Variants in CCDC112 observed in about 807,000 individuals in gnomAD.
CCDC112 encodes coiled-coil domain-containing protein 112.
CCDC112 carries 40 observed loss-of-function variants against 66.3 expected under a neutral mutation model. That is an observed-to-expected ratio of 0.60 (90% CI 0.47 to 0.79). The LOEUF (loss-of-function observed/expected upper bound fraction) is 0.79. Among genes scored for constraint, CCDC112 ranks in the 30% least tolerant of loss-of-function variants. The pLI is 0.00. For missense variants in CCDC112, 659 were observed against 603.8 expected (o/e 1.09, Z -0.96); for synonymous variants, 214 against 197.2 (o/e 1.09, Z -0.71).
At chr5:115,290,957 T>C (rs1280194741) in intron 1 of CCDC112, among the ~76,000 whole-genome samples, 1 of 152,158 alleles carries the variant, frequency 6.6e-6, no homozygotes, top group African/African-American at 2.4e-5. Context: ...TACATCTTCC[T>C]TTCCAATACG....
intron 6 of CCDC112, among the ~76,000 whole-genome samples, chr5:115,273,050 T>C (rs1384575602): frequency 6.6e-6 from 1 of 152,160 alleles, no homozygotes; most frequent in Non-Finnish European, 1.5e-5. Context: ...CCATATTTAG[T>C]CCATGGACCA....
At chr5:115,276,348 G>A (rs1749207750) in intron 4 of CCDC112, among the ~76,000 whole-genome samples, 1 of 152,110 alleles carries the variant, frequency 6.6e-6, no homozygotes, top group Admixed American at 6.5e-5. Flanking sequence ...TAGCCAACAA[G>A]TGAAAGATCA....
At chr5:115,273,523 C>T (rs193216083) in intron 6 of CCDC112, among the ~76,000 whole-genome samples, 1 of 152,300 alleles carries the variant, frequency 6.6e-6, no homozygotes, top group East Asian at 1.9e-4. Context: ...CTATCTCACC[C>T]CTATGTCCTG....
At chr5:115,277,804 A>G (rs1166935204) in intron 3 of CCDC112, among the ~76,000 whole-genome samples, 1 of 152,186 alleles carries the variant, frequency 6.6e-6, no homozygotes, top group Non-Finnish European at 1.5e-5. Context: ...TTAAATTACT[A>G]GGCTAATGTC....
At chr5:115,294,506 T>A (rs1750064985) in intron 1 of CCDC112, among the ~76,000 whole-genome samples, 1 of 152,214 alleles carries the variant, frequency 6.6e-6, no homozygotes. Flanking sequence ...ATCTTGAACT[T>A]CTAGCTTCTA....
At chr5:115,278,453 A>C (rs995582727) in intron 3 of CCDC112, among the ~76,000 whole-genome samples, 5 of 152,122 alleles carry the variant, frequency 3.3e-5, no homozygotes, top group African/African-American at 1.2e-4. Flanking sequence ...TAGTAACACT[A>C]CACTTTATAA....
chr5:115,283,478 C>T (rs917616617), intron 2 of CCDC112, among the ~76,000 whole-genome samples: 2 of 152,102 alleles, frequency 1.3e-5, no homozygotes, highest in Non-Finnish European at 2.9e-5. Context: ...CAACCCTTCA[C>T]GCACACACAA....
chr5:115,296,281 A>G, intron 1 of CCDC112, 146 bp downstream of exon 1: 3 of 1,321,904 alleles, frequency 2.3e-6, no homozygotes, highest in Non-Finnish European at 2.9e-6. Context: ...ACAAGCCAAC[A>G]AAGAGCAACG....
chr5:115,282,122 G>A (rs187876854), intron 2 of CCDC112, among the ~76,000 whole-genome samples: 17 of 152,276 alleles, frequency 1.1e-4, no homozygotes, highest in Non-Finnish European at 2.1e-4. Flanking sequence ...ATATGGGCAG[G>A]TTAAATAAAT....
chr5:115,269,061 A>G, intron 8 of CCDC112, 61 bp from the exon 9 acceptor site: 1 of 934,132 alleles, frequency 1.1e-6, no homozygotes, highest in Non-Finnish European at 1.6e-6. Flanking sequence ...ACTAGTAAAT[A>G]AGTAAAAGCC....
At chr5:115,269,920 T>C in intron 7 of CCDC112, 122 bp from the exon 8 acceptor site, 1 of 595,558 alleles carries the variant, frequency 1.7e-6, no homozygotes, top group Non-Finnish European at 2.9e-6. Context: ...ATTAATTCTT[T>C]CCAACAAAGC....
intron 2 of CCDC112, among the ~76,000 whole-genome samples, chr5:115,281,148 C>T (rs912109167): frequency 1.3e-5 from 2 of 152,042 alleles, no homozygotes; most frequent in Admixed American, 6.6e-5. Flanking sequence ...CTCAGCCTCC[C>T]GAGTAACTGG....
At chr5:115,280,391 T>A in intron 2 of CCDC112, 1 of 152,222 alleles carries the variant, frequency 6.6e-6, no homozygotes, top group Non-Finnish European at 1.5e-5. Flanking sequence ...TTAATGACTA[T>A]TGTCTACATT....
At chr5:115,281,097 C>G (rs987682416) in intron 2 of CCDC112, among the ~76,000 whole-genome samples, 8 of 151,374 alleles carry the variant, frequency 5.3e-5, no homozygotes, top group African/African-American at 1.9e-4. Context: ...GATTTCAGCT[C>G]ACTGTAACCT....
intron 7 of CCDC112, among the ~76,000 whole-genome samples, chr5:115,270,415 T>C (rs950691496): frequency 1.3e-5 from 2 of 152,176 alleles, no homozygotes; most frequent in Non-Finnish European, 2.9e-5. Flanking sequence ...CCCTTCCTTG[T>C]CTTAATACTT....
At chr5:115,295,420 A>G (rs1378055580) in intron 1 of CCDC112, among the ~76,000 whole-genome samples, 3 of 152,038 alleles carry the variant, frequency 2.0e-5, no homozygotes, top group African/African-American at 7.2e-5. Flanking sequence ...GATACTTGGG[A>G]CAGAGTTAGA....
chr5:115,286,753 A>C (rs1749691674), intron 1 of CCDC112, among the ~76,000 whole-genome samples: 1 of 151,920 alleles, frequency 6.6e-6, no homozygotes, highest in African/African-American at 2.4e-5. Flanking sequence ...CTGTATAAAA[A>C]CTTAAAAAAA....
chr5:115,282,473 A>C lies in CCDC112; in HGVS notation c.239+2314T>G, dbSNP rs533283269. ...CACATTATGCAATTTCACCCCAACA[A>C]ACTTTTGTGTGTGCCTCTAGAGAGT... On this transcript the variant is annotated intron_variant, in intron 2 of 9. Coordinates refer to ENST00000379611, the MANE Select transcript of CCDC112 (RefSeq NM_001040440.3). Among the ~76,000 whole-genome samples, 10 of 152,202 alleles carry C rather than the reference A, an allele frequency of 6.6e-5. No individual in the cohort carries two copies. The South Asian group carries it at 1.9e-3, about 28-fold the overall frequency.
At chr5:115,280,098 G>A (rs1749387983) in intron 2 of CCDC112, among the ~76,000 whole-genome samples, 1 of 152,126 alleles carries the variant, frequency 6.6e-6, no homozygotes, top group African/African-American at 2.4e-5. Context: ...CCTGAAAATG[G>A]CCATCACTGC....
Sources: gnomAD v4.1 joint callset for allele counts (sites outside exome capture counted in the v4.1 genomes callset) on GRCh38, gnomAD v4.1.1 for gene constraint, MANE v1.5 for transcripts, NCBI Gene and HGNC (gene_info 2026-07-23, HGNC 2026-07-21) for gene names.